BCL7C: variants seen among roughly 807,000 people sequenced by gnomAD.
BCL7C encodes B-cell CLL/lymphoma 7 protein family member C.
Under a neutral mutation model 26.2 loss-of-function variants are expected in BCL7C, and 8 were observed. The observed-to-expected ratio is 0.30, with a 90% CI of 0.18 to 0.55. BCL7C has a LOEUF of 0.55. Ranked by LOEUF, BCL7C falls within the 20% of genes least tolerant of loss-of-function variation. The pLI, the probability that BCL7C is intolerant of heterozygous loss-of-function variation, is 0.93. For missense variants in BCL7C, 262 were observed against 298.5 expected (o/e 0.88, Z 0.90); for synonymous variants, 90 against 116.5 (o/e 0.77, Z 1.47).
intron 5 of BCL7C, among the ~76,000 whole-genome samples, chr16:30,859,872 C>T (rs1252744038): frequency 6.6e-6 from 1 of 152,212 alleles, no homozygotes; most frequent in Non-Finnish European, 1.5e-5. Flanking sequence ...CACAAATGCA[C>T]ATGACATTTG....
At chr16:30,860,430 T>G (rs1345838779) in intron 5 of BCL7C, among the ~76,000 whole-genome samples, 3 of 152,134 alleles carry the variant, frequency 2.0e-5, no homozygotes, top group Admixed American at 6.5e-5. Flanking sequence ...CTTACCTCCT[T>G]TGCGATGGGC....
At chr16:30,883,254 T>C (rs2055070058), downstream of BCL7C, among the ~76,000 whole-genome samples, 1 of 151,728 alleles carries the variant, frequency 6.6e-6, no homozygotes, top group South Asian at 2.1e-4. Context: ...TTTCCACAAA[T>C]AGAGTGTGGA....
intron 5 of BCL7C, chr16:30,852,405 T>C (rs2054683284): frequency 6.6e-6 from 1 of 151,912 alleles, no homozygotes; most frequent in African/African-American, 2.4e-5. Flanking sequence ...ATGTATAGCA[T>C]AACCACATTT....
At chr16:30,888,036 G>T in intron 5 of BCL7C, 46 bp from the exon 6 acceptor site, 1 of 1,561,796 alleles carries the variant, frequency 6.4e-7, no homozygotes, top group Non-Finnish European at 8.7e-7. Flanking sequence ...GAACCCAGGC[G>T]TCCAGCCTCT....
intron 5 of BCL7C, among the ~76,000 whole-genome samples, chr16:30,839,177 C>T (rs2054587241): frequency 6.6e-6 from 1 of 152,214 alleles, no homozygotes; most frequent in African/African-American, 2.4e-5. Flanking sequence ...CACCTCTTTC[C>T]TAGTTCATAC....
chr16:30,851,594 T>C (rs1015189487), intron 5 of BCL7C: 2 of 428,024 alleles, frequency 4.7e-6, no homozygotes, highest in Admixed American at 6.5e-5. Context: ...GGAGAATAAC[T>C]GGGCCCTTTC....
rs1206982768 is a variant in BCL7C at position 30,837,591 on chromosome 16, ACTCAC to A, written c.529-2448_529-2444del. On this transcript the variant is annotated intron_variant, in intron 5 of 5. Transcript: ENST00000380317. ...TCAAACTCCTGACCTCAGGTGATCC[ACTCAC>A]CTCAGCCTCCCCAAGTGCTGGGATT... is the stretch of plus-strand genomic sequence containing the variant. 2.6e-5 allele frequency among the ~76,000 whole-genome samples: 4 copies of A among 151,642 alleles called. No individual in the cohort carries two copies. In the East Asian group the frequency reaches 7.7e-4, roughly 29 times the overall value.
At chr16:30,887,651 G>T (rs911437170), downstream of BCL7C, 13 of 708,760 alleles carry the variant, frequency 1.8e-5, no homozygotes, top group Non-Finnish European at 2.8e-5. Flanking sequence ...CCTGGCTCAA[G>T]CCCCCACCCC....
chr16:30,890,714 G>A (rs1048730723), intron 4 of BCL7C, among the ~76,000 whole-genome samples: 2 of 152,040 alleles, frequency 1.3e-5, no homozygotes, highest in Non-Finnish European at 2.9e-5. Flanking sequence ...GGCCAGGCAC[G>A]GTGGCTCACG....
chr16:30,856,566 G>A (rs528615722), intron 5 of BCL7C, among the ~76,000 whole-genome samples: 16 of 152,052 alleles, frequency 1.1e-4, no homozygotes, highest in African/African-American at 3.6e-4. Context: ...TAATTCAGTC[G>A]CATCTGTATT....
intron 5 of BCL7C, among the ~76,000 whole-genome samples, chr16:30,873,108 C>T (rs2054895288): frequency 6.6e-6 from 1 of 152,080 alleles, no homozygotes; most frequent in Non-Finnish European, 1.5e-5. Context: ...AAACTTTAAC[C>T]ACTGCCATAA....
intron 5 of BCL7C, among the ~76,000 whole-genome samples, chr16:30,888,390 A>C (rs1416623853): frequency 6.6e-6 from 1 of 152,086 alleles, no homozygotes; most frequent in East Asian, 1.9e-4. Context: ...AGGCTGGAGT[A>C]CAGTGGCGCG....
chr16:30,862,551 A>C (rs964540946), intron 5 of BCL7C, among the ~76,000 whole-genome samples: 1 of 150,350 alleles, frequency 6.7e-6, no homozygotes, highest in Non-Finnish European at 1.5e-5. Flanking sequence ...AATCCTCCCA[A>C]CAGGACACGC....
intron 4 of BCL7C, among the ~76,000 whole-genome samples, chr16:30,889,993 G>A (rs901995777): frequency 2.0e-5 from 3 of 151,914 alleles, no homozygotes; most frequent in Non-Finnish European, 4.4e-5. Flanking sequence ...CTGTGTGGAG[G>A]TGACTAGAAG....
At position 30,892,636 on chromosome 16, in the gene BCL7C, G is replaced by T. The variant is rs1442126374; in HGVS notation, c.392C>A (p.Pro131Gln). 1 of 1,610,964 alleles carries T rather than the reference G, an allele frequency of 6.2e-7. No individual in the cohort carries two copies. Among genetic ancestry groups the T allele is most frequent in the East Asian group, 2.2e-5 (1 of 44,856 alleles). ...CTGAGCCTCCTCAGGGACCCCTTCT[G>T]GGGGTCCGGCAGGTGACACAGGGCG... is the stretch of plus-strand genomic sequence containing the variant. The part of the protein sequence containing the change: ...PSRPVSPAGP[P>Q]EGVPEEAQPP... The change falls in exon 4 of 6, where the codon CCA (proline) becomes CAA (glutamine). Residue 131 changes from proline (P) to glutamine (Q), a missense_variant. Transcript: ENST00000215115.
At chr16:30,872,231 T>C (rs1312504600) in intron 5 of BCL7C, among the ~76,000 whole-genome samples, 2 of 152,048 alleles carry the variant, frequency 1.3e-5, no homozygotes, top group Non-Finnish European at 2.9e-5. Context: ...GGAGTCATGG[T>C]GAATACCCTG....
At chr16:30,835,077 G>T in exon 6 of BCL7C, 1 of 1,547,500 alleles carries the variant, frequency 6.5e-7, no homozygotes, top group Non-Finnish European at 8.7e-7. Flanking sequence ...TCCTGGGCAG[G>T]AGCCTCCTGA....
chr16:30,841,393 G>A lies in BCL7C; in HGVS notation c.529-6245C>T, dbSNP rs576644839. Among the ~76,000 whole-genome samples, 180 of 152,270 alleles carry A rather than the reference G, an allele frequency of 1.2e-3. 1 individual carries two copies. The highest frequency in any genetic ancestry group is 5.2e-3 in the South Asian group (25 of 4,832). Reference sequence around the variant, plus strand: ...TGACCAACTCAGCATTCCACTGGAGGCTACATGATCAAACAGCAAACTGTT... The same window carrying A: ...TGACCAACTCAGCATTCCACTGGAGACTACATGATCAAACAGCAAACTGTT... On this transcript the variant is annotated intron_variant, in intron 5 of 5. Coordinates refer to the BCL7C transcript ENST00000380317.
At chr16:30,853,580 A>G (rs1248418599) in intron 5 of BCL7C, among the ~76,000 whole-genome samples, 1 of 152,216 alleles carries the variant, frequency 6.6e-6, no homozygotes, top group East Asian at 1.9e-4. Flanking sequence ...TTGTAAACAG[A>G]TAATGCACCA....
Sources: allele counts gnomAD v4.1 joint callset (sites outside exome capture counted in the v4.1 genomes callset), GRCh38; gene constraint gnomAD v4.1.1; transcripts MANE v1.5; gene names NCBI Gene and HGNC (gene_info 2026-07-23, HGNC 2026-07-21).